MANBA: variants seen among roughly 807,000 people sequenced by gnomAD.
The protein encoded by MANBA is mannosidase beta, also known as beta-mannosidase.
Under a neutral mutation model 111.1 loss-of-function variants are expected in MANBA, and 83 were observed. The ratio of observed to expected loss-of-function variants is 0.75; its 90% CI spans 0.63 to 0.90. MANBA has a LOEUF of 0.90. Among genes scored for constraint, MANBA ranks in the 40% least tolerant of loss-of-function variants. The pLI, the probability that MANBA is intolerant of heterozygous loss-of-function variation, is 0.00. For synonymous variants in MANBA, 370 were observed against 378.7 expected, an observed-to-expected ratio of 0.98 and a Z score of 0.27; for missense variants, 1,036 against 1,069.0, an observed-to-expected ratio of 0.97 and a Z score of 0.43.
intron 13 of MANBA, among the ~76,000 whole-genome samples, chr4:102,646,208 A>G (rs934905751): frequency 1.3e-5 from 2 of 152,148 alleles, no homozygotes; most frequent in Admixed American, 1.3e-4. Context: ...TTATTAAATT[A>G]CATGATGCCT....
intron 1 of MANBA, among the ~76,000 whole-genome samples, chr4:102,740,944 A>G (rs1399760276): frequency 6.6e-6 from 1 of 152,220 alleles, no homozygotes; most frequent in Non-Finnish European, 1.5e-5. Context: ...GAAGATAAAT[A>G]GATGGGACCT....
intron 1 of MANBA, chr4:102,752,067 A>C: frequency 1.3e-6 from 1 of 758,492 alleles, no homozygotes; most frequent in Non-Finnish European, 2.5e-6. Context: ...CTACAGAAGA[A>C]GAAGATGAAA....
chr4:102,755,757 G>GTA (rs1240451790), intron 1 of MANBA, among the ~76,000 whole-genome samples: 2 of 152,124 alleles, frequency 1.3e-5, no homozygotes, highest in African/African-American at 2.4e-5. Flanking sequence ...AATCTACAAA[G>GTA]AACTTCAACA....
At chr4:102,701,566 A>C (rs1396148045) in intron 5 of MANBA, among the ~76,000 whole-genome samples, 1 of 151,118 alleles carries the variant, frequency 6.6e-6, no homozygotes, top group Non-Finnish European at 1.5e-5. Context: ...TGGTGACAAA[A>C]TCTCTCAGCA....
rs183808908 is a variant in MANBA at position 102,673,435 on chromosome 4, G to A, written c.1112+484C>T. ...AGGCAGGAGAATCGCTTGAGCCTGG[G>A]AGGCGGAGGTTGCAGTGAGCTGAGA... On this transcript the variant is annotated intron_variant, in intron 8 of 16. Coordinates refer to ENST00000647097, the MANE Select transcript of MANBA (RefSeq NM_005908.4). Among the ~76,000 whole-genome samples, 340 of 151,906 alleles carry A rather than the reference G, an allele frequency of 2.2e-3. 1 individual carries two copies. The highest frequency in any genetic ancestry group is 7.8e-3 in the African/African-American group (325 of 41,408).
At chr4:102,748,655 C>T (rs914591320) in intron 1 of MANBA, among the ~76,000 whole-genome samples, 4 of 152,184 alleles carry the variant, frequency 2.6e-5, no homozygotes, top group Non-Finnish European at 4.4e-5. Context: ...TGGCTCATGC[C>T]TGTAATCCCA....
At chr4:102,660,071 C>T (rs1033363799) in intron 11 of MANBA, among the ~76,000 whole-genome samples, 2 of 152,176 alleles carry the variant, frequency 1.3e-5, no homozygotes, top group African/African-American at 2.4e-5. Flanking sequence ...TGATAACCAG[C>T]TCCACATTTC....
intron 1 of MANBA, among the ~76,000 whole-genome samples, chr4:102,754,257 G>A (rs1435104591): frequency 6.6e-6 from 1 of 152,034 alleles, no homozygotes; most frequent in Non-Finnish European, 1.5e-5. Flanking sequence ...TTAGAAGCAC[G>A]TACTAAATGA....
At chr4:102,752,021 C>T (rs1046212981) in intron 1 of MANBA, 81 of 744,272 alleles carry the variant, frequency 1.1e-4, no homozygotes, top group Middle Eastern at 5.9e-4. Flanking sequence ...TGTAGTGGCT[C>T]CTGGGATAAG....
At chr4:102,738,465 G>C (rs1723294284) in intron 1 of MANBA, among the ~76,000 whole-genome samples, 1 of 152,212 alleles carries the variant, frequency 6.6e-6, no homozygotes, top group Admixed American at 6.5e-5. Context: ...CTGCAGGCCA[G>C]TAGCTCCGCT....
At chr4:102,700,314 T>C (rs1407213225) in intron 5 of MANBA, among the ~76,000 whole-genome samples, 105 of 152,138 alleles carry the variant, frequency 6.9e-4, no homozygotes, top group African/African-American at 2.4e-3. Context: ...AACCAGCTCC[T>C]GGATTCATTA....
intron 4 of MANBA, among the ~76,000 whole-genome samples, chr4:102,721,281 G>A (rs1023022135): frequency 4.6e-5 from 7 of 152,046 alleles, no homozygotes; most frequent in Non-Finnish European, 1.0e-4. Flanking sequence ...CCGAGATCTC[G>A]CTACTGCACT....
chr4:102,696,007 C>G (rs1009054685), intron 5 of MANBA, among the ~76,000 whole-genome samples: 1 of 152,086 alleles, frequency 6.6e-6, no homozygotes, highest in Non-Finnish European at 1.5e-5. Flanking sequence ...GCAGGAGGAT[C>G]TCTTGAGCCC....
At chr4:102,725,639 G>A (rs1416878408) in intron 2 of MANBA, among the ~76,000 whole-genome samples, 1 of 152,180 alleles carries the variant, frequency 6.6e-6, no homozygotes, top group Non-Finnish European at 1.5e-5. Context: ...TTAATCTAAT[G>A]TTTCTAAATT....
At chr4:102,752,894 T>C (rs1038969411) in intron 1 of MANBA, among the ~76,000 whole-genome samples, 16 of 152,332 alleles carry the variant, frequency 1.1e-4, no homozygotes, top group South Asian at 6.2e-4. Context: ...ACTCTTACAG[T>C]TTATAGTTAA....
chr4:102,739,317 T>C (rs974848572), intron 1 of MANBA, among the ~76,000 whole-genome samples: 1 of 152,048 alleles, frequency 6.6e-6, no homozygotes, highest in Non-Finnish European at 1.5e-5. Context: ...ATTTAAAAAT[T>C]GCTGACCAAA....
chr4:102,680,045 C>T (rs1316789235), intron 7 of MANBA, among the ~76,000 whole-genome samples: 1 of 152,178 alleles, frequency 6.6e-6, no homozygotes, highest in African/African-American at 2.4e-5. Context: ...GTCCAGTTCT[C>T]AGGGACAACA....
rs1237923660 is a variant in MANBA at position 102,671,298 on chromosome 4, C to T, written c.1213G>A (p.Asp405Asn). 1 of 1,576,294 alleles carries T rather than the reference C, an allele frequency of 6.3e-7. No individual in the cohort carries two copies. Among genetic ancestry groups the T allele is most frequent in the Non-Finnish European group, 8.7e-7 (1 of 1,145,714 alleles). ...CTTCTCACCATTATTCCTAGTTCAT[C>T]ACAGAGTTCATAGAATTCATCCTGC... ...YEQDEFYELC[D>N]ELGIMVWQDF... is the part of the protein sequence containing the mutation. Residue 405 changes from aspartate (D) to asparagine (N), a missense_variant, in exon 9 of 17, where the codon GAT becomes AAT. Physicochemically the swap from Asp to Asn is conservative, Grantham distance 23. Coordinates refer to ENST00000647097, the MANE Select transcript of MANBA (RefSeq NM_005908.4).
chr4:102,650,650 G>C lies in MANBA; in HGVS notation c.1756C>G (p.Gln586Glu). ...SFNSKFSLHR[Q>E]HHEGGNKQML... ...TGTTTGTTACCACCTTCGTGATGTT[G>C]TCGATGAAGTGAAAACTTGCTATTG... The change falls in exon 13 of 17, where the codon CAA (glutamine) becomes GAA (glutamate). Residue 586 changes from glutamine to glutamate, a missense_variant. By Grantham distance (29) the Gln-to-Glu change is conservative. Coordinates refer to ENST00000647097, the MANE Select transcript of MANBA (RefSeq NM_005908.4). The C allele has an allele frequency of 6.2e-7, 1 of 1,613,336 alleles. No individual in the cohort carries two copies. The highest frequency in any genetic ancestry group is 1.1e-5 in the South Asian group (1 of 91,070).
Sources: gnomAD v4.1 joint callset for allele counts (sites outside exome capture counted in the v4.1 genomes callset) on GRCh38, gnomAD v4.1.1 for gene constraint, MANE v1.5 for transcripts, NCBI Gene and HGNC (gene_info 2026-07-23, HGNC 2026-07-21) for gene names.